Variants in PAN3 observed in about 807,000 individuals in gnomAD.
PAN3 encodes the protein poly(A) specific ribonuclease subunit PAN3.
PAN3 carries 19 observed loss-of-function variants against 96.2 expected under a neutral mutation model. That is an observed-to-expected ratio of 0.20 (90% confidence interval 0.14 to 0.29). The LOEUF (loss-of-function observed/expected upper bound fraction) is 0.29. PAN3 is among the 10% of genes least tolerant of loss of function. The pLI is 1.00. For missense variants in PAN3, 882 were observed against 1,108.1 expected (o/e 0.80, Z 2.90); for synonymous variants, 433 against 406.6 (o/e 1.06, Z -0.78).
At chr13:28,254,798 A>G (rs1408645587) in intron 6 of PAN3, among the ~76,000 whole-genome samples, 1 of 152,140 alleles carries the variant, frequency 6.6e-6, no homozygotes, top group Non-Finnish European at 1.5e-5. Context: ...ATCTCAATGC[A>G]GTAGACATTG....
chr13:28,257,718 TTAA>T (rs1885283754), intron 7 of PAN3, among the ~76,000 whole-genome samples: 1 of 138,988 alleles, frequency 7.2e-6, no homozygotes, highest in Non-Finnish European at 1.5e-5. Context: ...TTATATATAA[TTAA>T]TATATATTAT....
chr13:28,147,774 A>C (rs1870865362), intron 1 of PAN3, among the ~76,000 whole-genome samples: 1 of 152,068 alleles, frequency 6.6e-6, no homozygotes, highest in African/African-American at 2.4e-5. Flanking sequence ...GTCAGTTGGG[A>C]ATTGTCTAAG....
Position 28,172,184 on chromosome 13 carries a change from G to A in PAN3, c.431-2088G>A, listed in dbSNP as rs192778383. Among the ~76,000 whole-genome samples the A allele has an allele frequency of 2.1e-3, 325 of 152,268 alleles. 5 individuals carry two copies. The highest frequency in any genetic ancestry group is 3.7e-3 in the Admixed American group (56 of 15,302). ...CAATTATTTAGTCTTGGCTGGGCAC[G>A]GTGGCTCACGCCTGTAATCCCAACA... On this transcript the variant is annotated intron_variant, in intron 1 of 18. Transcript: ENST00000380958.
chr13:28,266,057 C>A, intron 9 of PAN3, among the ~76,000 whole-genome samples: 1 of 149,894 alleles, frequency 6.7e-6, no homozygotes, highest in Non-Finnish European at 1.5e-5. Context: ...TTTTTTTTAA[C>A]AGACATAATG....
At chr13:28,253,971 C>T (rs1294235916) in intron 6 of PAN3, among the ~76,000 whole-genome samples, 3 of 152,130 alleles carry the variant, frequency 2.0e-5, no homozygotes, top group Non-Finnish European at 4.4e-5. Flanking sequence ...TAATCTCTTT[C>T]CACGTACTCA....
chr13:28,153,787 T>G (rs1001973426), intron 1 of PAN3, among the ~76,000 whole-genome samples: 2 of 152,198 alleles, frequency 1.3e-5, no homozygotes, highest in African/African-American at 4.8e-5. Context: ...TAATTGGAAA[T>G]GCATGTGGTT....
rs1270813284 is a variant in PAN3 at position 28,193,734 on chromosome 13, C to T, written c.691-3451C>T. Among the ~76,000 whole-genome samples the T allele has an allele frequency of 2.0e-4, 4 of 19,716 alleles. No individual in the cohort carries two copies. In the Admixed American group the frequency reaches 3.3e-3, roughly 16 times the overall value. The allele number at this position is 19,716 out of a possible 152,430, so 12.9% of individuals were successfully genotyped here. On this transcript the variant is annotated intron_variant, in intron 4 of 18. Coordinates refer to ENST00000380958, the MANE Select transcript of PAN3 (RefSeq NM_175854.8). The stretch of plus-strand genomic sequence containing the variant: ...CTCCAGCCTGGGAGTGAGACCCTGA[C>T]TTAAAAAAAAAAAAAAAAAAAACCC...
At chr13:28,284,130 G>A (rs1868658613) in intron 17 of PAN3, among the ~76,000 whole-genome samples, 2 of 152,148 alleles carry the variant, frequency 1.3e-5, no homozygotes, top group African/African-American at 2.4e-5. Context: ...TGTGTAATTC[G>A]TGAGACTGCC....
Position 28,280,555 on chromosome 13 carries a change from A to ATTTT in PAN3, c.2319+35_2319+38dup, listed in dbSNP as rs35542876. ...GACCTTGCAAAGGTAAAGAGTGTAA[A>ATTTT]TTTTTTTTTTTTTTTTTTTTTTTTG... On this transcript the variant is annotated intron_variant, in intron 16 of 18. Transcript: ENST00000380958. 2.6e-3 allele frequency: 2,991 copies of ATTTT among 1,146,452 alleles called. 1 individual carries two copies. Among genetic ancestry groups the ATTTT allele is most frequent in the South Asian group, 0.012 (625 of 53,540 alleles). 71.0% of individuals were successfully genotyped at this position (1,146,452 alleles called of 1,614,324 possible).
intron 5 of PAN3, among the ~76,000 whole-genome samples, chr13:28,199,734 A>AT (rs200149556): frequency 1.8e-4 from 27 of 150,400 alleles, no homozygotes; most frequent in Middle Eastern, 3.4e-3. Flanking sequence ...ATTCCATACC[A>AT]TTTTTTTTTC....
rs187085178 is a variant in PAN3 at position 28,178,913 on chromosome 13, G to A, written c.690+978G>A. ...GTTGTATACATTAAATATGTATAGC[G>A]TTTTACATGTCAATCAGACCTCAAT... On this transcript the variant is annotated intron_variant, in intron 4 of 18. Transcript: ENST00000380958. Among the ~76,000 whole-genome samples the A allele has an allele frequency of 7.9e-5, 12 of 152,080 alleles. No homozygotes were observed. The South Asian group carries it at 1.5e-3, about 18-fold the overall frequency.
chr13:28,293,298 C>A lies in PAN3; in HGVS notation c.*776C>A, dbSNP rs990688742. On this transcript the variant is annotated 3_prime_UTR_variant, in exon 19 of 19. Coordinates refer to ENST00000380958, the MANE Select transcript of PAN3 (RefSeq NM_175854.8). ...CTAGTCAGATACATTTACATTTATG[C>A]AAATTTTTTAAATAGGAGAAAATTA... 7 of 146,804 alleles carry A rather than the reference C, an allele frequency of 4.8e-5. No homozygotes were observed. The highest frequency in any genetic ancestry group is 2.1e-4 in the South Asian group (1 of 4,652). 9.1% of individuals were successfully genotyped at this position (146,804 alleles called of 1,614,324 possible).
At chr13:28,163,970 G>A (rs1342990466) in intron 1 of PAN3, among the ~76,000 whole-genome samples, 1 of 152,116 alleles carries the variant, frequency 6.6e-6, no homozygotes, top group East Asian at 1.9e-4. Context: ...GTGTGCGCCT[G>A]TAGTCCCAGC....
At chr13:28,256,176 ACTTAC>A in intron 6 of PAN3, 111 bp from the exon 7 acceptor site, 6 of 1,095,096 alleles carry the variant, frequency 5.5e-6, no homozygotes, top group Non-Finnish European at 7.9e-6. Context: ...TCATCTTTGC[ACTTAC>A]GATCCCAAAG....
intron 18 of PAN3, 133 bp from the exon 19 acceptor site, chr13:28,292,249 A>G: frequency 1.1e-6 from 1 of 874,040 alleles, no homozygotes; most frequent in South Asian, 2.3e-5. Context: ...TGAATGATAT[A>G]AATGTACTCA....
At chr13:28,232,993 G>A (rs1882734280) in intron 6 of PAN3, among the ~76,000 whole-genome samples, 1 of 152,062 alleles carries the variant, frequency 6.6e-6, no homozygotes, top group Non-Finnish European at 1.5e-5. Flanking sequence ...TGAATTTACA[G>A]ATTAGAATAC....
intron 3 of PAN3, 53 bp downstream of exon 3, chr13:28,176,612 T>A: frequency 6.6e-7 from 1 of 1,512,422 alleles, no homozygotes; most frequent in Non-Finnish European, 9.1e-7. Context: ...TTTCTTACTC[T>A]AAAAGTAATA....
chr13:28,138,716 C>A lies in PAN3; in HGVS notation c.59C>A (p.Ser20Ter). ...PSAAASPSSS[S>*]LAAAVAVVAP... ...GCCGCCGCCTCCCCTTCCTCCTCCT[C>A]GCTGGCGGCGGCGGTGGCGGTGGTG... The change falls in exon 1 of 19, where the codon TCG becomes TAG. Residue 20 changes from serine to a stop codon, truncating the protein, a stop_gained. Coordinates refer to ENST00000380958, the MANE Select transcript of PAN3 (RefSeq NM_175854.8). LOFTEE classifies it high-confidence loss of function. The A allele has an allele frequency of 1.6e-6, 2 of 1,226,290 alleles. No individual in the cohort carries two copies. Among genetic ancestry groups the A allele is most frequent in the Non-Finnish European group, 2.1e-6 (2 of 955,720 alleles). The allele number at this position is 1,226,290 out of a possible 1,614,324, so 76.0% of individuals were successfully genotyped here.
intron 6 of PAN3, among the ~76,000 whole-genome samples, chr13:28,242,163 A>C (rs1487351546): frequency 6.6e-6 from 1 of 152,070 alleles, no homozygotes; most frequent in East Asian, 1.9e-4. Flanking sequence ...GGGTTGTTTC[A>C]TGTTTGCTTT....
Sources: gnomAD v4.1 joint callset for allele counts (sites outside exome capture counted in the v4.1 genomes callset) on GRCh38, gnomAD v4.1.1 for gene constraint, MANE v1.5 for transcripts, NCBI Gene and HGNC (gene_info 2026-07-23, HGNC 2026-07-21) for gene names.